The following XKR9 variants were observed in gnomAD, a reference collection of about 807,000 sequenced individuals.
XKR9 encodes XK related 9.
Under a neutral mutation model 32.0 loss-of-function variants are expected in XKR9, and 32 were observed. The observed-to-expected ratio is 1.00, with a 90% CI of 0.76 to 1.34. The LOEUF is 1.34. XKR9 is among the 40% of genes most tolerant of loss of function. The pLI is 0.00. For synonymous variants in XKR9, 168 were observed against 143.4 expected, an observed-to-expected ratio of 1.17 and a Z score of -1.22; for missense variants, 546 against 429.7, an observed-to-expected ratio of 1.27 and a Z score of -2.39.
At position 70,734,098 on chromosome 8, in the gene XKR9, G is replaced by A; in HGVS notation, c.796G>A (p.Val266Ile). 6.2e-7 allele frequency: 1 copy of A among 1,612,650 alleles called. No individual in the cohort carries two copies. Among genetic ancestry groups the A allele is most frequent in the Non-Finnish European group, 8.5e-7 (1 of 1,178,960 alleles). Residue 266 changes from valine (V) to isoleucine (I), a missense_variant, in exon 5 of 5, where the codon GTT (valine) becomes ATT (isoleucine). Val to Ile is a conservative substitution (Grantham distance 29). Coordinates refer to ENST00000408926, the MANE Select transcript of XKR9 (RefSeq NM_001011720.2). ...AAGTATGGAATTCTTATATAGGATT[G>A]TTGTTGGATTCATTCTTATCTTTAC... The part of the protein sequence containing the change: ...CISMEFLYRI[V>I]VGFILIFTFF...
chr8:70,876,578 C>T, the XKR9 span, among the ~76,000 whole-genome samples: 1 of 152,060 alleles, frequency 6.6e-6, no homozygotes, highest in East Asian at 1.9e-4. Context: ...ATCTGGGCAA[C>T]CTCTGGGTAA....
chr8:70,826,830 A>G, the XKR9 span, among the ~76,000 whole-genome samples: 2 of 152,182 alleles, frequency 1.3e-5, no homozygotes, highest in Non-Finnish European at 2.9e-5. Flanking sequence ...ACAAATTAAT[A>G]AGCTGATTTG....
the XKR9 span, among the ~76,000 whole-genome samples, chr8:71,043,155 A>G: frequency 7.4e-4 from 113 of 152,324 alleles, no homozygotes; most frequent in African/African-American, 2.5e-3. Context: ...GGGCTTACTC[A>G]TGGAGAATTC....
chr8:71,010,512 AG>A, the XKR9 span, among the ~76,000 whole-genome samples: 2 of 152,192 alleles, frequency 1.3e-5, no homozygotes, highest in Non-Finnish European at 2.9e-5. Flanking sequence ...TTACAGGGTC[AG>A]GGAAGCTCTT....
At chr8:70,997,881 A>G in the XKR9 span, among the ~76,000 whole-genome samples, 1 of 152,202 alleles carries the variant, frequency 6.6e-6, no homozygotes, top group Non-Finnish European at 1.5e-5. Context: ...TGTGCATTGT[A>G]GGATGCGGAA....
chr8:70,913,876 C>G, the XKR9 span, among the ~76,000 whole-genome samples: 1 of 152,008 alleles, frequency 6.6e-6, no homozygotes, highest in Non-Finnish European at 1.5e-5. Flanking sequence ...TGCCTGGCCT[C>G]TCATATTCAA....
rs768138841 is a variant in XKR9, at chr8:70,762,971, AT to A, written n.353-26362del. Among the ~76,000 whole-genome samples the A allele has an allele frequency of 8.5e-5, 13 of 152,288 alleles. No homozygotes were observed. In the East Asian group the frequency reaches 2.5e-3, roughly 29 times the overall value. On this transcript the variant is annotated intron_variant and non_coding_transcript_variant, in intron 2 of 3. Transcript: ENST00000520273. ...TGAAATCATGAATTGTATGTGGTGGATTTTTTGGTAAAGGAAGGTTGATCTA... is the reference window on the plus strand; with the variant it reads ...TGAAATCATGAATTGTATGTGGTGGATTTTTGGTAAAGGAAGGTTGATCTA...
the XKR9 span, among the ~76,000 whole-genome samples, chr8:70,838,187 T>G: frequency 6.6e-6 from 1 of 152,118 alleles, no homozygotes; most frequent in Admixed American, 6.6e-5. Context: ...GATAACAGAT[T>G]TACTAAGTCC....
chr8:70,996,622 T>A, the XKR9 span, among the ~76,000 whole-genome samples: 1 of 152,204 alleles, frequency 6.6e-6, no homozygotes, highest in African/African-American at 2.4e-5. Flanking sequence ...AAATAAAACT[T>A]AAATTGGATA....
chr8:70,818,433 A>G, the XKR9 span, among the ~76,000 whole-genome samples: 2 of 152,164 alleles, frequency 1.3e-5, no homozygotes, highest in African/African-American at 2.4e-5. Context: ...TCTTTTGCTT[A>G]GATTCTAAAC....
At chr8:71,037,435 A>G in the XKR9 span, among the ~76,000 whole-genome samples, 675 of 152,308 alleles carry the variant, frequency 4.4e-3, 5 homozygotes, top group Non-Finnish European at 7.4e-3. Flanking sequence ...TTTTCATTTT[A>G]TGTATTCGGA....
intron 2 of XKR9, among the ~76,000 whole-genome samples, chr8:70,747,273 A>C (rs2130176145): frequency 6.6e-6 from 1 of 152,370 alleles, no homozygotes; most frequent in East Asian, 1.9e-4. Context: ...ATATATACCC[A>C]GTAATGGTAT....
At chr8:70,995,958 C>T in the XKR9 span, among the ~76,000 whole-genome samples, 3 of 152,148 alleles carry the variant, frequency 2.0e-5, no homozygotes, top group Non-Finnish European at 4.4e-5. Flanking sequence ...AGTATACATC[C>T]ATGTTGTGTG....
the XKR9 span, among the ~76,000 whole-genome samples, chr8:70,849,422 A>G: frequency 1.3e-5 from 2 of 152,228 alleles, no homozygotes; most frequent in Non-Finnish European, 1.5e-5. Context: ...ACCAATGAGA[A>G]CAAAGACACA....
the XKR9 span, among the ~76,000 whole-genome samples, chr8:70,890,167 G>T: frequency 6.6e-6 from 1 of 151,908 alleles, no homozygotes; most frequent in Non-Finnish European, 1.5e-5. Flanking sequence ...TTTCTCTGAT[G>T]ATTAGTGCTG....
At chr8:70,971,117 C>T in the XKR9 span, among the ~76,000 whole-genome samples, 15 of 152,182 alleles carry the variant, frequency 9.9e-5, no homozygotes, top group African/African-American at 3.6e-4. Context: ...CTTTTCACTG[C>T]ATCCATGCCA....
intron 2 of XKR9, among the ~76,000 whole-genome samples, chr8:70,771,747 A>T (rs1807456536): frequency 6.6e-6 from 1 of 152,108 alleles, no homozygotes; most frequent in Non-Finnish European, 1.5e-5. Context: ...TCCACTAATG[A>T]TATCTTGTAG....
rs188371436 is a variant in XKR9 at position 70,716,834 on chromosome 8, T to A, written c.493+9681T>A. Among the ~76,000 whole-genome samples, 172 of 152,338 alleles carry A rather than the reference T, an allele frequency of 1.1e-3. 1 individual carries two copies. The highest frequency in any genetic ancestry group is 3.7e-3 in the African/African-American group (155 of 41,584). On this transcript the variant is annotated intron_variant, in intron 4 of 4. Transcript: ENST00000408926. ...AAAAGTCCAAGTCTGAAGTCTCATC[T>A]GAGACGAGGCAAGTCCCTTCCACCT... is the stretch of plus-strand genomic sequence containing the variant.
At chr8:71,050,999 C>T in the XKR9 span, among the ~76,000 whole-genome samples, 10 of 151,810 alleles carry the variant, frequency 6.6e-5, no homozygotes, top group African/African-American at 2.2e-4. Context: ...AACATTCCAA[C>T]CACTTAGAAT....
Sources: allele counts gnomAD v4.1 joint callset (sites outside exome capture counted in the v4.1 genomes callset), GRCh38; gene constraint gnomAD v4.1.1; transcripts MANE v1.5; gene names NCBI Gene and HGNC (gene_info 2026-07-23, HGNC 2026-07-21).